The following RASD2 variants were observed in gnomAD, a reference collection of about 807,000 sequenced individuals.
RASD2 encodes RASD family member 2.
RASD2 carries 7 observed loss-of-function variants against 15.8 expected under a neutral mutation model. That is an observed-to-expected ratio of 0.44 (90% CI 0.25 to 0.83). The LOEUF is 0.83. RASD2 is among the 40% of genes least tolerant of loss of function. The probability of loss-of-function intolerance (pLI) is 0.20; values close to 1 mark genes in which losing one functional copy is unlikely to be tolerated. For synonymous variants in RASD2, 155 were observed against 153.6 expected, an observed-to-expected ratio of 1.01 and a Z score of -0.07; for missense variants, 274 against 382.8, an observed-to-expected ratio of 0.72 and a Z score of 2.37.
At position 35,540,857 on chromosome 22, in the gene RASD2, C is replaced by G. The variant is rs558472826; in HGVS notation, c.-653C>G. On this transcript the variant is annotated 5_prime_UTR_variant, in exon 1 of 3. Transcript: ENST00000216127. ...GAGCGCCCTGCTCCTCCTTCAGCTG[C>G]TGGCGTCGCCGCGCGGGGAGAAAGA... 5 of 152,536 alleles carry G rather than the reference C, an allele frequency of 3.3e-5. No individual in the cohort carries two copies. The highest frequency in any genetic ancestry group is 3.3e-4 in the Admixed American group (5 of 15,310). The allele number at this position is 152,536 out of a possible 1,614,324, so 9.4% of individuals were successfully genotyped here. A position where few individuals can be genotyped will look rare whatever the true frequency, so the allele number is the denominator to read the frequency against.
At chr22:35,533,344 A>G in the RASD2 span, among the ~76,000 whole-genome samples, 1 of 152,258 alleles carries the variant, frequency 6.6e-6, no homozygotes, top group African/African-American at 2.4e-5. Flanking sequence ...AAGCTGAAGG[A>G]AGTTGTGTTG....
At chr22:35,538,208 G>C (rs1373535842), upstream of RASD2, among the ~76,000 whole-genome samples, 1 of 152,166 alleles carries the variant, frequency 6.6e-6, no homozygotes, top group African/African-American at 2.4e-5. Flanking sequence ...TTGGCCTCAA[G>C]TGATCCTCCC....
upstream of RASD2, among the ~76,000 whole-genome samples, chr22:35,540,560 C>A (rs1007558394): frequency 6.6e-6 from 1 of 151,658 alleles, no homozygotes; most frequent in East Asian, 1.9e-4. Context: ...GGGCGACGCT[C>A]GCAGGGGCGC....
At chr22:35,533,021 G>A in the RASD2 span, among the ~76,000 whole-genome samples, 1 of 152,194 alleles carries the variant, frequency 6.6e-6, no homozygotes, top group Non-Finnish European at 1.5e-5. Context: ...TCACCTGTCT[G>A]AGCCTCAGTC....
upstream of RASD2, among the ~76,000 whole-genome samples, chr22:35,536,326 C>CTT (rs559627212): frequency 5.7e-5 from 8 of 140,230 alleles, no homozygotes; most frequent in African/African-American, 7.8e-5. Context: ...CAAACCGTCT[C>CTT]TTTTTTTTTT....
chr22:35,551,156 A>G lies in RASD2; in HGVS notation c.272-347A>G, dbSNP rs1934654105. The stretch of plus-strand genomic sequence containing the variant: ...CCCTGCTCTCATAGAAATGATTTTT[A>G]TTATTATCTGAACACAGTCCACACA... On this transcript the variant is annotated intron_variant, in intron 2 of 2. Transcript: ENST00000216127. This position sits in a 1 kb window ranked among gnomAD's most constrained non-coding sequence, Gnocchi z 4.9. Among the ~76,000 whole-genome samples the G allele has an allele frequency of 6.6e-6, 1 of 152,336 alleles. No homozygotes were observed. The highest frequency in any genetic ancestry group is 1.5e-5 in the Non-Finnish European group (1 of 68,026).
chr22:35,546,765 G>C, intron 1 of RASD2, 36 bp from the exon 2 acceptor site: 1 of 1,597,452 alleles, frequency 6.3e-7, no homozygotes, highest in South Asian at 1.1e-5. Flanking sequence ...CCAGGTCGGG[G>C]GGGCCCTGAT....
rs1601818964 is a variant in RASD2, at chr22:35,551,898, A to C, written c.667A>C (p.Lys223Gln). ...HPRPFCMRRV[K>Q]EMDAYGMVSP... is the part of the protein sequence containing the mutation. Reference sequence around the variant, plus strand: ...CAGGCCCTTCTGCATGCGCCGCGTCAAGGAGATGGACGCCTATGGCATGGT... The same window carrying C: ...CAGGCCCTTCTGCATGCGCCGCGTCCAGGAGATGGACGCCTATGGCATGGT... The change falls in exon 3 of 3, where the codon AAG becomes CAG. Residue 223 changes from lysine (K) to glutamine (Q), a missense_variant. By Grantham distance (53) the Lys-to-Gln change is moderately conservative. Coordinates refer to ENST00000216127, the MANE Select transcript of RASD2 (RefSeq NM_014310.4). This position sits in a 1 kb window ranked among gnomAD's most constrained non-coding sequence, Gnocchi z 4.9. 1 of 1,612,818 alleles carries C rather than the reference A, an allele frequency of 6.2e-7. No homozygotes were observed. Among genetic ancestry groups the C allele is most frequent in the African/African-American group, 1.3e-5 (1 of 74,840 alleles).
In RASD2 at chr22:35,547,053, G is replaced by A. The variant is rs756980148; in HGVS notation, c.244G>A (p.Ala82Thr). Residue 82 changes from alanine (A) to threonine (T), a missense_variant, in exon 2 of 3, where the codon GCC (alanine) becomes ACC (threonine). By Grantham distance (58) the Ala-to-Thr change is moderately conservative. Transcript: ENST00000216127. ...LDTSGNHPFP[A>T]MRRLSILTGD... ...TACCTCTGGCAACCACCCCTTCCCC[G>A]CCATGCGCAGGCTGTCCATCCTCAC... 5.0e-6 allele frequency: 8 copies of A among 1,613,766 alleles called. No individual in the cohort carries two copies. The highest frequency in any genetic ancestry group is 1.3e-5 in the African/African-American group (1 of 75,038).
intron 2 of RASD2, among the ~76,000 whole-genome samples, chr22:35,549,998 T>C (rs7292745): frequency 0.21 from 31,657 of 152,112 alleles, 3,878 homozygotes; most frequent in African/African-American, 0.34. Flanking sequence ...CAGTGGCTCA[T>C]GCCTGTAATC....
Position 35,551,584 on chromosome 22 carries a change from A to G in RASD2, c.353A>G (p.Glu118Gly). The G allele has an allele frequency of 6.2e-7, 1 of 1,614,108 alleles. No individual in the cohort carries two copies. Among genetic ancestry groups the G allele is most frequent in the Non-Finnish European group, 8.5e-7 (1 of 1,180,018 alleles). Residue 118 changes from glutamate (E) to glycine (G), a missense_variant, in exon 3 of 3, where the codon GAG (glutamate) becomes GGG (glycine). Glu to Gly is a moderately conservative substitution (Grantham distance 98). Coordinates refer to ENST00000216127, the MANE Select transcript of RASD2 (RefSeq NM_014310.4). The surrounding 1 kb of genome is among the most constrained non-coding windows in gnomAD (Gnocchi z 4.9). ...EVKRLQKQIL[E>G]VKSCLKNKTK... Reference sequence around the variant, plus strand: ...AAGCGCCTTCAGAAGCAGATCCTGGAGGTCAAGTCCTGCCTGAAGAACAAG... The same window carrying G: ...AAGCGCCTTCAGAAGCAGATCCTGGGGGTCAAGTCCTGCCTGAAGAACAAG...
At chr22:35,533,616 G>T in the RASD2 span, among the ~76,000 whole-genome samples, 1 of 626 alleles carries the variant, frequency 1.6e-3, no homozygotes, top group Non-Finnish European at 4.2e-3. Context: ...GATGATGATG[G>T]TGATGATGGG....
rs910595632 is a variant in RASD2, at chr22:35,553,177, G to A, written c.*1145G>A. ...TCACTGTGTCCTAGGAAACCAAGAGGGTCCCCAGTCCTGGCCTCTGCCCGC... is the reference window on the plus strand; with the variant it reads ...TCACTGTGTCCTAGGAAACCAAGAGAGTCCCCAGTCCTGGCCTCTGCCCGC... On this transcript the variant is annotated 3_prime_UTR_variant, in exon 3 of 3. Coordinates refer to ENST00000216127, the MANE Select transcript of RASD2 (RefSeq NM_014310.4). 3.3e-5 allele frequency: 5 copies of A among 152,156 alleles called. No individual in the cohort carries two copies. The highest frequency in any genetic ancestry group is 1.2e-4 in the African/African-American group (5 of 41,362). The allele number at this position is 152,156 out of a possible 1,614,324, so 9.4% of individuals were successfully genotyped here. A position where few individuals can be genotyped will look rare whatever the true frequency, so the allele number is the denominator to read the frequency against.
the RASD2 span, among the ~76,000 whole-genome samples, chr22:35,533,633 G>A: frequency 7.3e-5 from 11 of 151,538 alleles, no homozygotes; most frequent in South Asian, 2.1e-4. Flanking sequence ...TGGGAATGAT[G>A]GTGATGATGG....
chr22:35,546,687 G>A (rs1297438710), intron 1 of RASD2, 114 bp from the exon 2 acceptor site: 4 of 1,385,574 alleles, frequency 2.9e-6, no homozygotes, highest in African/African-American at 1.5e-5. Flanking sequence ...CTCGTCTGAT[G>A]TTCCCATTTT....
upstream of RASD2, among the ~76,000 whole-genome samples, chr22:35,540,199 G>A: frequency 6.6e-6 from 1 of 152,248 alleles, no homozygotes; most frequent in South Asian, 2.1e-4. Flanking sequence ...TGGAGACCCC[G>A]GCCGAGTGGG....
chr22:35,550,601 G>T (rs779691771), intron 2 of RASD2, among the ~76,000 whole-genome samples: 1 of 152,152 alleles, frequency 6.6e-6, no homozygotes, highest in Admixed American at 6.6e-5. Context: ...CTTGAGTGAT[G>T]CAGTGAGTTA....
At chr22:35,548,010 G>C (rs574454245) in intron 2 of RASD2, among the ~76,000 whole-genome samples, 1 of 152,356 alleles carries the variant, frequency 6.6e-6, no homozygotes, top group Non-Finnish European at 1.5e-5. Context: ...ACTCACTCCA[G>C]TGGTAGCACA....
chr22:35,548,024 C>T (rs563087949), intron 2 of RASD2, among the ~76,000 whole-genome samples: 6 of 152,356 alleles, frequency 3.9e-5, no homozygotes, highest in Admixed American at 3.3e-4. Context: ...TAGCACAGCT[C>T]GTAAAGGCAG....
Sources: gnomAD v4.1 joint callset for allele counts (sites outside exome capture counted in the v4.1 genomes callset) on GRCh38, gnomAD v4.1.1 for gene constraint, Gnocchi (gnomAD v3.1) non-coding constraint, MANE v1.5 for transcripts, NCBI Gene and HGNC (gene_info 2026-07-23, HGNC 2026-07-21) for gene names.